Variants in HDGF observed in about 807,000 individuals in gnomAD.
HDGF encodes hepatoma-derived growth factor.
In HDGF, 5 loss-of-function variants were observed where a neutral mutation model predicts 30.0. The ratio of observed to expected loss-of-function variants is 0.17; its 90% CI spans 0.09 to 0.35. HDGF has a LOEUF of 0.35. HDGF is among the 10% of genes least tolerant of loss of function. The pLI, the probability that HDGF is intolerant of heterozygous loss-of-function variation, is 1.00. For synonymous variants in HDGF, 133 were observed against 112.7 expected (o/e 1.18, Z -1.14); for missense variants, 214 against 302.8 (o/e 0.71, Z 2.18).
chr1:156,743,917 G>A (rs775881051), intron 4 of HDGF, 39 bp from the exon 5 acceptor site: 5 of 1,498,278 alleles, frequency 3.3e-6, no homozygotes, highest in Non-Finnish European at 4.6e-6. Context: ...TGAGGCTGGA[G>A]AGGGAGGCCA....
At position 156,745,255 on chromosome 1, in the gene HDGF, C is replaced by T. The variant is rs531330450; in HGVS notation, c.164+42G>A. On this transcript the variant is annotated intron_variant, in intron 2 of 5. Coordinates refer to ENST00000357325, the MANE Select transcript of HDGF (RefSeq NM_004494.3). The stretch of plus-strand genomic sequence containing the variant: ...ACCTCACCTTCCCCAGAGTAGTCCT[C>T]CCGGGGCCCTCCCGACCTATACCCC... The T allele has an allele frequency of 2.1e-5, 34 of 1,610,096 alleles. No individual in the cohort carries two copies. In the African/African-American group the frequency reaches 2.3e-4, roughly 11 times the overall value.
intron 4 of HDGF, 137 bp downstream of exon 4, chr1:156,744,026 G>C: frequency 9.3e-7 from 1 of 1,074,814 alleles, no homozygotes; most frequent in Non-Finnish European, 1.4e-6. Context: ...GTCCCATCTG[G>C]TCAGCTGGGG....
At chr1:156,749,132 C>T (rs983447966) in intron 1 of HDGF, among the ~76,000 whole-genome samples, 1 of 152,218 alleles carries the variant, frequency 6.6e-6, no homozygotes, top group Non-Finnish European at 1.5e-5. Flanking sequence ...TCACGTGGCC[C>T]CTCTGGCTGG....
At chr1:156,745,401 G>A in intron 1 of HDGF, 28 bp from the exon 2 acceptor site, 2 of 1,602,720 alleles carry the variant, frequency 1.2e-6, no homozygotes, top group Non-Finnish European at 1.7e-6. Context: ...GGTGAGGTTA[G>A]CTAGAGTCCT....
At chr1:156,762,886 C>CA (rs1036462714) in intron 1 of HDGF, among the ~76,000 whole-genome samples, 7 of 149,266 alleles carry the variant, frequency 4.7e-5, no homozygotes, top group South Asian at 2.1e-4. Context: ...AAAAAAAAAC[C>CA]AAAAAAAAAC....
chr1:156,765,195 C>T (rs1274990461), intron 1 of HDGF, among the ~76,000 whole-genome samples: 6 of 150,344 alleles, frequency 4.0e-5, no homozygotes, highest in Non-Finnish European at 8.9e-5. Flanking sequence ...CGGGTTCAAG[C>T]GATTCTCCTG....
At chr1:156,746,609 T>C (rs1327745173) in intron 1 of HDGF, among the ~76,000 whole-genome samples, 3 of 151,888 alleles carry the variant, frequency 2.0e-5, no homozygotes, top group African/African-American at 7.3e-5. Context: ...AGGTGAGAGG[T>C]GCAGAAATCT....
intron 1 of HDGF, among the ~76,000 whole-genome samples, chr1:156,747,235 T>A (rs865878825): frequency 5.4e-5 from 1 of 18,528 alleles, no homozygotes; most frequent in African/African-American, 2.4e-4. Flanking sequence ...TGACCGCCCC[T>A]CCCCCCTCCC....
chr1:156,760,487 G>T (rs1651231459), intron 1 of HDGF, among the ~76,000 whole-genome samples: 1 of 152,232 alleles, frequency 6.6e-6, no homozygotes. Context: ...AGATGGCAGG[G>T]TGGGGACTGA....
chr1:156,753,986 G>A (rs1651104792), upstream of HDGF, among the ~76,000 whole-genome samples: 1 of 151,564 alleles, frequency 6.6e-6, no homozygotes. Flanking sequence ...TGCAATCTCG[G>A]CTCACTGCAA....
chr1:156,743,454 G>C lies in HDGF; in HGVS notation c.718C>G (p.Leu240Val). ...EAPGIRDHESL is the reference protein window; with the variant it reads ...EAPGIRDHESV ...TCCTCTTGAAACATTGGTGGCTACAGGCTGTGAGGGAGGGTTGGAGGGGAG... is the reference window on the plus strand; with the variant it reads ...TCCTCTTGAAACATTGGTGGCTACACGCTGTGAGGGAGGGTTGGAGGGGAG... Residue 240 changes from leucine (L) to valine (V), a missense_variant and splice_region_variant, in exon 6 of 6, where the codon CTG becomes GTG. Leu to Val is a conservative substitution (Grantham distance 32, BLOSUM62 1). This residue lies in a region of HDGF where 176 missense variants were observed against 211.7 expected (regional missense o/e 0.83). Transcript: ENST00000357325. The C allele has an allele frequency of 6.6e-7, 1 of 1,522,586 alleles. No homozygotes were observed. The highest frequency in any genetic ancestry group is 8.8e-7 in the Non-Finnish European group (1 of 1,136,584). 94.3% of individuals were successfully genotyped at this position (1,522,586 alleles called of 1,614,324 possible).
intron 1 of HDGF, among the ~76,000 whole-genome samples, chr1:156,765,696 A>ATGGCGGTGC: frequency 6.6e-6 from 1 of 151,462 alleles, no homozygotes; most frequent in African/African-American, 2.4e-5. Flanking sequence ...GCTGGTCTCA[A>ATGGCGGTGC]ACTCCTGACC....
Position 156,751,323 on chromosome 1 carries a change from C to A in HDGF, c.87+20G>T. On this transcript the variant is annotated intron_variant, in intron 1 of 5. Transcript: ENST00000357325. This position sits in a 1 kb window ranked among gnomAD's most constrained non-coding sequence, Gnocchi z 4.7. ...CCCAAGCCCGCAGGGGGTTAGGGGG[C>A]GGCGGGCCGCGCTGCTCACCCGGGC... is the stretch of plus-strand genomic sequence containing the variant. 1.9e-6 allele frequency: 3 copies of A among 1,602,698 alleles called. No individual in the cohort carries two copies. The highest frequency in any genetic ancestry group is 3.3e-4 in the Middle Eastern group (2 of 5,990).
At chr1:156,755,161 C>T (rs16837638), upstream of HDGF, among the ~76,000 whole-genome samples, 15,636 of 152,144 alleles carry the variant, frequency 0.1, 1,027 homozygotes, top group African/African-American at 0.18. Flanking sequence ...GATGCTGGTG[C>T]GCACTTCTAC....
At chr1:156,748,701 A>G (rs1650761197) in intron 1 of HDGF, among the ~76,000 whole-genome samples, 1 of 152,160 alleles carries the variant, frequency 6.6e-6, no homozygotes. Context: ...CCAGCCTCAG[A>G]CTAAAAACAG....
At chr1:156,757,321 C>T (rs1402143975), upstream of HDGF, among the ~76,000 whole-genome samples, 2 of 151,006 alleles carry the variant, frequency 1.3e-5, no homozygotes, top group African/African-American at 4.9e-5. Flanking sequence ...CAAAAATTAG[C>T]TGGGCATGGA....
Position 156,742,738 on chromosome 1 carries a change from A to C in HDGF, c.*711T>G, listed in dbSNP as rs1360513948. On this transcript the variant is annotated 3_prime_UTR_variant, in exon 6 of 6. Coordinates refer to ENST00000357325, the MANE Select transcript of HDGF (RefSeq NM_004494.3). Reference sequence around the variant, plus strand: ...CACTCCCACCCAAATGGGTAAAGTCAACCCTTCAGGTCTCAGGTCCTTGGC... The same window carrying C: ...CACTCCCACCCAAATGGGTAAAGTCCACCCTTCAGGTCTCAGGTCCTTGGC... The C allele has an allele frequency of 1.3e-5, 2 of 154,756 alleles. No individual in the cohort carries two copies. The highest frequency in any genetic ancestry group is 4.8e-5 in the African/African-American group (2 of 41,498). The allele number at this position is 154,756 out of a possible 1,614,324, so 9.6% of individuals were successfully genotyped here. A position where few individuals can be genotyped will look rare whatever the true frequency, so the allele number is the denominator to read the frequency against.
rs1277135271 is a variant in HDGF at position 156,743,866 on chromosome 1, G to A, written c.502C>T (p.Arg168Cys). Reference sequence around the variant, plus strand: ...TCAGGGTTTTCTGCCTCCTTGGGACGTTTAGGAGAGTCCTAGGCAGGATCA... The same window carrying A: ...TCAGGGTTTTCTGCCTCCTTGGGACATTTAGGAGAGTCCTAGGCAGGATCA... ...AGDLLEDSPK[R>C]PKEAENPEGE... is the part of the protein sequence containing the mutation. Residue 168 changes from arginine (R) to cysteine (C), a missense_variant, in exon 5 of 6, where the codon CGT (arginine) becomes TGT (cysteine). Transcript: ENST00000357325. 6 of 1,612,740 alleles carry A rather than the reference G, an allele frequency of 3.7e-6. No homozygotes were observed. Among genetic ancestry groups the A allele is most frequent in the Admixed American group, 1.7e-5 (1 of 59,984 alleles).
Position 156,743,366 on chromosome 1 carries a change from G to A in HDGF, c.*83C>T. On this transcript the variant is annotated 3_prime_UTR_variant, in exon 6 of 6. Coordinates refer to ENST00000357325, the MANE Select transcript of HDGF (RefSeq NM_004494.3). ...GGTTGGGGTGGGAAAGGGGTTCCCA[G>A]TTTGCAGGCCATGGCCAGTTTCCCC... is the stretch of plus-strand genomic sequence containing the variant. 1.4e-6 allele frequency: 2 copies of A among 1,415,816 alleles called. No homozygotes were observed. The highest frequency in any genetic ancestry group is 1.9e-6 in the Non-Finnish European group (2 of 1,048,424). 87.7% of individuals were successfully genotyped at this position (1,415,816 alleles called of 1,614,324 possible).
Sources: allele counts gnomAD v4.1 joint callset (sites outside exome capture counted in the v4.1 genomes callset), GRCh38; gene constraint gnomAD v4.1.1; regional missense constraint gnomAD v4.1.1; non-coding constraint Gnocchi (gnomAD v3.1); transcripts MANE v1.5; gene names NCBI Gene and HGNC (gene_info 2026-07-23, HGNC 2026-07-21).